BOC: variants seen among roughly 807,000 people sequenced by gnomAD.
The protein encoded by BOC is BOC cell adhesion associated, oncogene regulated, also known as brother of CDO.
Under a neutral mutation model 112.0 loss-of-function variants are expected in BOC, and 76 were observed. The observed-to-expected ratio is 0.68, with a 90% CI of 0.56 to 0.82. The LOEUF (loss-of-function observed/expected upper bound fraction) is 0.82, where lower values mean the gene tolerates loss of function less well. Ranked by LOEUF, BOC falls within the 40% of genes least tolerant of loss-of-function variation. The pLI, the probability that BOC is intolerant of heterozygous loss-of-function variation, is 0.00. For missense variants in BOC, 1,309 were observed against 1,511.7 expected, an observed-to-expected ratio of 0.87 and a Z score of 2.22; for synonymous variants, 580 against 599.8, an observed-to-expected ratio of 0.97 and a Z score of 0.48.
intron 17 of BOC, 77 bp from the exon 18 acceptor site, chr3:113,284,705 T>C (rs1265699139): frequency 2.6e-6 from 4 of 1,525,658 alleles, no homozygotes; most frequent in African/African-American, 1.4e-5. Context: ...GAGCAGATGC[T>C]CCTGTTGTTG....
intron 4 of BOC, 183 bp downstream of exon 4, chr3:113,251,016 T>C: frequency 1.4e-6 from 1 of 737,930 alleles, no homozygotes; most frequent in Non-Finnish European, 2.2e-6. Flanking sequence ...CCTTGTGCCC[T>C]TGGAAAACCT....
rs1263324241 is a variant in BOC at position 113,216,036 on chromosome 3, T to C, written c.-169-151T>C. 3.3e-5 allele frequency among the ~76,000 whole-genome samples: 5 copies of C among 152,244 alleles called. No individual in the cohort carries two copies. In the East Asian group the frequency reaches 9.6e-4, roughly 29 times the overall value. On this transcript the variant is annotated intron_variant, in intron 1 of 19. Coordinates refer to ENST00000682979, the MANE Select transcript of BOC (RefSeq NM_001378074.1). ...ACTGGACATTTCGGGAGGCCTATGG[T>C]CTTAGAAAAATCGCTTTTCTACTGT...
chr3:113,243,502 C>T (rs901446730), intron 2 of BOC, among the ~76,000 whole-genome samples: 1 of 152,146 alleles, frequency 6.6e-6, no homozygotes, highest in Admixed American at 6.5e-5. Flanking sequence ...CTCTTTTTAA[C>T]ATTTTAGTTC....
Position 113,252,356 on chromosome 3 carries a change from C to CCAT in BOC, c.376+1541_376+1543dup, listed in dbSNP as rs368400591. On this transcript the variant is annotated intron_variant, in intron 4 of 19. Transcript: ENST00000682979. ...AGCCCTGCTTTGGGCATCCATGTCA[C>CCAT]CATCATCATCATCATCATCACCCTT... 7.4e-4 allele frequency among the ~76,000 whole-genome samples: 113 copies of CCAT among 152,190 alleles called. 2 individuals carry two copies. The highest frequency in any genetic ancestry group is 2.4e-3 in the African/African-American group (98 of 41,528).
chr3:113,218,546 T>G (rs955935345), intron 2 of BOC, among the ~76,000 whole-genome samples: 1 of 152,216 alleles, frequency 6.6e-6, no homozygotes, highest in Non-Finnish European at 1.5e-5. Flanking sequence ...CACAGTGCCC[T>G]CTTTTGCAAG....
intron 2 of BOC, among the ~76,000 whole-genome samples, chr3:113,233,148 GGT>G (rs59444901): frequency 0.072 from 8,926 of 123,830 alleles, 328 homozygotes; most frequent in South Asian, 0.11. Flanking sequence ...AAAGGATTGG[GGT>G]GTGTGTGTGT....
At chr3:113,259,586 T>G (rs944650883) in intron 4 of BOC, among the ~76,000 whole-genome samples, 1 of 152,212 alleles carries the variant, frequency 6.6e-6, no homozygotes, top group African/African-American at 2.4e-5. Context: ...GTGGAAAAGT[T>G]GAGCAATTTC....
At chr3:113,240,898 G>A (rs1944205405) in intron 2 of BOC, among the ~76,000 whole-genome samples, 1 of 152,208 alleles carries the variant, frequency 6.6e-6, no homozygotes, top group East Asian at 1.9e-4. Context: ...CACCCTACTG[G>A]ACAGCCCACT....
intron 2 of BOC, among the ~76,000 whole-genome samples, chr3:113,227,377 T>A (rs1395271447): frequency 6.6e-6 from 1 of 152,174 alleles, no homozygotes; most frequent in African/African-American, 2.4e-5. Context: ...TGGTGAGATA[T>A]GCACAGTCCT....
chr3:113,285,553 C>T lies in BOC; in HGVS notation c.3148C>T (p.Pro1050Ser). 6.3e-7 allele frequency: 1 copy of T among 1,582,766 alleles called. No individual in the cohort carries two copies. The highest frequency in any genetic ancestry group is 1.2e-5 in the South Asian group (1 of 85,248). ...TGTCCTGGAAGCAGTGTGGGACCCT[C>T]CATTTCACTCAGGTTGGTTCCAGGA... Reference protein sequence around the residue: ...SPVLEAVWDPPFHSGPPCCLG... With the variant: ...SPVLEAVWDPSFHSGPPCCLG... The change falls in exon 19 of 20, where the codon CCA becomes TCA. Residue 1050 changes from proline to serine, a missense_variant. Pro to Ser is a moderately conservative substitution (Grantham distance 74). Coordinates refer to ENST00000682979, the MANE Select transcript of BOC (RefSeq NM_001378074.1).
intron 2 of BOC, among the ~76,000 whole-genome samples, chr3:113,243,515 C>G (rs1184731013): frequency 6.6e-6 from 1 of 152,158 alleles, no homozygotes; most frequent in Non-Finnish European, 1.5e-5. Context: ...TTTAGTTCTG[C>G]AGTGCATGTG....
At chr3:113,276,212 C>CA (rs1948652778) in intron 9 of BOC, among the ~76,000 whole-genome samples, 1 of 152,206 alleles carries the variant, frequency 6.6e-6, no homozygotes, top group South Asian at 2.1e-4. Context: ...TTTTTCAGGC[C>CA]AATAGGTGGC....
At chr3:113,229,746 T>C (rs1373824062) in intron 2 of BOC, among the ~76,000 whole-genome samples, 3 of 152,256 alleles carry the variant, frequency 2.0e-5, no homozygotes, top group Non-Finnish European at 4.4e-5. Context: ...TTAAAAATTA[T>C]AAGAATTTCT....
At chr3:113,218,375 T>C (rs1288692519) in intron 2 of BOC, among the ~76,000 whole-genome samples, 1 of 152,114 alleles carries the variant, frequency 6.6e-6, no homozygotes, top group Admixed American at 6.6e-5. Context: ...GAGAGGAAAA[T>C]TGGGGAGTTC....
rs1192924712 is a variant in BOC at position 113,283,537 on chromosome 3, T to A, written c.2561T>A (p.Leu854Gln). ...GCCATGGTGGCTCGCTCCAGCGACC[T>A]GCCCTATCTGATTGTCGGGGTCGTC... ...TGAMVARSSD[L>Q]PYLIVGVVLG... The change falls in exon 16 of 20, where the codon CTG (leucine) becomes CAG (glutamine). Residue 854 changes from leucine (L) to glutamine (Q), a missense_variant. By Grantham distance (113) the Leu-to-Gln change is moderately radical. Transcript: ENST00000682979. 1 of 1,613,846 alleles carries A rather than the reference T, an allele frequency of 6.2e-7. No homozygotes were observed. The highest frequency in any genetic ancestry group is 8.5e-7 in the Non-Finnish European group (1 of 1,179,988).
intron 2 of BOC, among the ~76,000 whole-genome samples, chr3:113,230,867 A>C (rs1942503384): frequency 6.6e-6 from 1 of 152,224 alleles, no homozygotes; most frequent in Non-Finnish European, 1.5e-5. Flanking sequence ...ACTAAGTATT[A>C]GATGGTATAT....
In BOC at chr3:113,249,810, G is replaced by A. The variant is rs751100635; in HGVS notation, c.8G>A (p.Arg3His). The A allele has an allele frequency of 2.6e-5, 42 of 1,612,624 alleles. No homozygotes were observed. Among genetic ancestry groups the A allele is most frequent in the Middle Eastern group, 1.6e-4 (1 of 6,078 alleles). Residue 3 changes from arginine (R) to histidine (H), a missense_variant, in exon 3 of 20, where the codon CGT becomes CAT. Arg to His is a conservative substitution (Grantham distance 29, BLOSUM62 0). Transcript: ENST00000682979. ...AGACCTTTGTGATACACCATGCTGC[G>A]TGGGACGATGACGGCGTGGAGAGGA... Reference protein sequence around the residue: MLRGTMTAWRGMR... With the variant: MLHGTMTAWRGMR...
In BOC at chr3:113,283,445, A is replaced by G; in HGVS notation, c.2469A>G (p.Pro823=). The stretch of plus-strand genomic sequence containing the variant: ...CTTCTGGCCAGCCTGGTCGACTGCC[A>G]CCCCCAACTCTGGCCCCACCACAGC... The part of the protein sequence containing the change: ...RKSSGQPGRL[P]PPTLAPPQPP... Residue 823 remains proline, a synonymous_variant, in exon 16 of 20, where the codon CCA becomes CCG. Transcript: ENST00000682979. 6.2e-7 allele frequency: 1 copy of G among 1,609,318 alleles called. No individual in the cohort carries two copies. The highest frequency in any genetic ancestry group is 8.5e-7 in the Non-Finnish European group (1 of 1,176,200).
chr3:113,252,016 C>T (rs966994780), intron 4 of BOC: 1 of 152,144 alleles, frequency 6.6e-6, no homozygotes, highest in Non-Finnish European at 1.5e-5. Flanking sequence ...CATGTGACTG[C>T]CACTTGGTGT....
Sources: allele counts gnomAD v4.1 joint callset (sites outside exome capture counted in the v4.1 genomes callset), GRCh38; gene constraint gnomAD v4.1.1; transcripts MANE v1.5; gene names NCBI Gene and HGNC (gene_info 2026-07-23, HGNC 2026-07-21).